The following FBXL17 variants were observed in gnomAD, a reference collection of about 807,000 sequenced individuals.
FBXL17 encodes F-box/LRR-repeat protein 17.
Under a neutral mutation model 66.2 loss-of-function variants are expected in FBXL17, and 22 were observed. The observed-to-expected ratio is 0.33, with a 90% confidence interval of 0.24 to 0.47. The LOEUF (loss-of-function observed/expected upper bound fraction) is 0.47, where lower values mean the gene tolerates loss of function less well. FBXL17 is among the 20% of genes least tolerant of loss of function. The pLI is 1.00. For missense variants in FBXL17, 878 were observed against 948.2 expected (o/e 0.93, Z 0.97); for synonymous variants, 474 against 400.5 (o/e 1.18, Z -2.19).
intron 5 of FBXL17, among the ~76,000 whole-genome samples, chr5:108,194,336 C>T (rs1438288548): frequency 6.6e-6 from 1 of 152,108 alleles, no homozygotes; most frequent in Non-Finnish European, 1.5e-5. Flanking sequence ...GTTCAAATCT[C>T]ATCTTCTCCA....
intron 5 of FBXL17, among the ~76,000 whole-genome samples, chr5:108,193,677 G>A (rs866680278): frequency 6.6e-5 from 10 of 152,044 alleles, no homozygotes; most frequent in African/African-American, 1.9e-4. Flanking sequence ...TCTGAGGGTA[G>A]AACTGAAAGG....
chr5:107,869,794 A>G (rs758967530), intron 8 of FBXL17, among the ~76,000 whole-genome samples: 2 of 152,152 alleles, frequency 1.3e-5, no homozygotes, highest in Non-Finnish European at 2.9e-5. Context: ...CTACCTTAGC[A>G]CTTGGATCCT....
At chr5:108,168,323 G>T (rs1419765503) in intron 6 of FBXL17, among the ~76,000 whole-genome samples, 1 of 152,244 alleles carries the variant, frequency 6.6e-6, no homozygotes. Context: ...TGATCTCATG[G>T]AGAAAATTAC....
intron 7 of FBXL17, among the ~76,000 whole-genome samples, chr5:107,931,858 T>C (rs970084521): frequency 6.6e-6 from 1 of 152,216 alleles, no homozygotes; most frequent in Non-Finnish European, 1.5e-5. Flanking sequence ...CTCGGTATTA[T>C]ATTTCTACAT....
chr5:108,356,524 TG>T (rs1747999271), intron 3 of FBXL17, among the ~76,000 whole-genome samples: 1 of 152,102 alleles, frequency 6.6e-6, no homozygotes, highest in Non-Finnish European at 1.5e-5. Context: ...TGAAAAGACA[TG>T]GAAGAAACTT....
rs528713086 is a variant in FBXL17, at chr5:108,029,467, G to A, written c.1746-8466C>T. 5.6e-4 allele frequency among the ~76,000 whole-genome samples: 85 copies of A among 152,080 alleles called. 1 individual carries two copies. Among genetic ancestry groups the A allele is most frequent in the African/African-American group, 2.0e-3 (83 of 41,496 alleles). ...TATAAAACCTGCTTCCAAAGCTCTT[G>A]GGACTGCCATTGCTTTACTCTTATT... On this transcript the variant is annotated intron_variant, in intron 6 of 8. Coordinates refer to ENST00000542267, the MANE Select transcript of FBXL17 (RefSeq NM_001163315.3).
At chr5:108,227,958 A>T (rs960000273) in intron 4 of FBXL17, among the ~76,000 whole-genome samples, 10 of 152,182 alleles carry the variant, frequency 6.6e-5, no homozygotes, top group African/African-American at 2.2e-4. Context: ...ATTTCAGTCT[A>T]ACATTAAGTT....
intron 7 of FBXL17, among the ~76,000 whole-genome samples, chr5:107,985,764 G>C (rs528416152): frequency 4.3e-4 from 66 of 152,254 alleles, no homozygotes; most frequent in Non-Finnish European, 7.5e-4. Context: ...CCATGCAAGA[G>C]GCAAATGGTC....
chr5:107,992,988 C>G (rs6596764), intron 7 of FBXL17, among the ~76,000 whole-genome samples: 51,985 of 151,820 alleles, frequency 0.34, 9,539 homozygotes, highest in African/African-American at 0.48. Context: ...CTCCACCTCC[C>G]AGGTTCACGC....
intron 4 of FBXL17, among the ~76,000 whole-genome samples, chr5:108,327,176 CTCACCTAGGA>C (rs1759897713): frequency 6.6e-6 from 1 of 152,164 alleles, no homozygotes; most frequent in South Asian, 2.1e-4. Context: ...ACATACAATA[CTCACCTAGGA>C]ATTGTTGTCA....
At chr5:108,189,241 A>G (rs1233064785) in intron 5 of FBXL17, among the ~76,000 whole-genome samples, 4 of 142,718 alleles carry the variant, frequency 2.8e-5, no homozygotes, top group African/African-American at 1.0e-4. Context: ...TTCTTTCTAG[A>G]GCTGAAGTTC....
chr5:108,194,880 G>C (rs1753618525), intron 5 of FBXL17, among the ~76,000 whole-genome samples: 1 of 152,142 alleles, frequency 6.6e-6, no homozygotes, highest in South Asian at 2.1e-4. Flanking sequence ...TTCTGAAAAA[G>C]ATACCCAGTT....
chr5:108,100,507 A>C (rs544190107), intron 6 of FBXL17, among the ~76,000 whole-genome samples: 1 of 152,304 alleles, frequency 6.6e-6, no homozygotes, highest in South Asian at 2.1e-4. Flanking sequence ...TATTTCTAAA[A>C]GATCTTCAGA....
rs151039573 is a variant in FBXL17 at position 108,125,338 on chromosome 5, A to C, written c.1745+60779T>G. Reference sequence around the variant, plus strand: ...AAATAAGTAAGGGATAGTAAACATTAGGGCTTTCTCTGCTTGTACTATACA... The same window carrying C: ...AAATAAGTAAGGGATAGTAAACATTCGGGCTTTCTCTGCTTGTACTATACA... On this transcript the variant is annotated intron_variant, in intron 6 of 8. Transcript: ENST00000542267. Among the ~76,000 whole-genome samples, 573 of 152,166 alleles carry C rather than the reference A, an allele frequency of 3.8e-3. 6 individuals carry two copies. Among genetic ancestry groups the C allele is most frequent in the African/African-American group, 0.013 (557 of 41,562 alleles).
At position 108,125,785 on chromosome 5, in the gene FBXL17, A is replaced by G. The variant is rs1390978424; in HGVS notation, c.1745+60332T>C. On this transcript the variant is annotated intron_variant, in intron 6 of 8. Transcript: ENST00000542267. ...TCCTTTTTAAGCTGGATGTGTTTAT[A>G]TCCAGTTATTGTGTTTATATTCATT... 2.6e-5 allele frequency among the ~76,000 whole-genome samples: 4 copies of G among 152,224 alleles called. No homozygotes were observed. The East Asian group carries it at 7.7e-4, about 29-fold the overall frequency.
At position 108,055,608 on chromosome 5, in the gene FBXL17, CA is replaced by C. The variant is rs55653715; in HGVS notation, c.1746-34608del. Among the ~76,000 whole-genome samples the C allele has an allele frequency of 6.9e-3, 351 of 51,090 alleles. 2 individuals carry two copies. Among genetic ancestry groups the C allele is most frequent in the African/African-American group, 0.016 (296 of 17,990 alleles). 33.5% of individuals were successfully genotyped at this position (51,090 alleles called of 152,430 possible). On this transcript the variant is annotated intron_variant, in intron 6 of 8. Transcript: ENST00000542267. ...TGGGCGACACAGCGAGACTCTGTCT[CA>C]AAAAAAAAAAAAAAAAAAAAAAGAG...
intron 5 of FBXL17, among the ~76,000 whole-genome samples, chr5:108,195,801 T>A (rs1420884281): frequency 6.6e-6 from 1 of 152,154 alleles, no homozygotes; most frequent in Non-Finnish European, 1.5e-5. Context: ...ATCAACAGAA[T>A]TTTTTGACAA....
At chr5:108,076,549 A>T (rs1748554168) in intron 6 of FBXL17, among the ~76,000 whole-genome samples, 1 of 151,990 alleles carries the variant, frequency 6.6e-6, no homozygotes, top group South Asian at 2.1e-4. Context: ...ATAAAATGTG[A>T]TTTTTTTAAA....
intron 7 of FBXL17, among the ~76,000 whole-genome samples, chr5:108,005,961 C>T (rs1467815056): frequency 3.9e-5 from 6 of 152,168 alleles, no homozygotes; most frequent in East Asian, 1.9e-4. Context: ...TGAACCGTGA[C>T]GTGGGACTAC....
Sources: gnomAD v4.1 joint callset for allele counts (sites outside exome capture counted in the v4.1 genomes callset) on GRCh38, gnomAD v4.1.1 for gene constraint, MANE v1.5 for transcripts, NCBI Gene and HGNC (gene_info 2026-07-23, HGNC 2026-07-21) for gene names.